The following RBFOX1 variants were observed in gnomAD, a reference collection of about 807,000 sequenced individuals.
RBFOX1 encodes RNA binding protein fox-1 homolog 1.
Under a neutral mutation model 57.7 loss-of-function variants are expected in RBFOX1, and 8 were observed. The ratio of observed to expected loss-of-function variants is 0.14; its 90% CI spans 0.08 to 0.25. The LOEUF is 0.25. Ranked by LOEUF, RBFOX1 falls within the 10% of genes least tolerant of loss-of-function variation. The pLI, the probability that RBFOX1 is intolerant of heterozygous loss-of-function variation, is 1.00. For synonymous variants in RBFOX1, 326 were observed against 222.4 expected, an observed-to-expected ratio of 1.47 and a Z score of -4.15; for missense variants, 611 against 548.5, an observed-to-expected ratio of 1.11 and a Z score of -1.14.
intron 4 of RBFOX1, among the ~76,000 whole-genome samples, chr16:7,371,476 G>A (rs1217442470): frequency 6.6e-6 from 1 of 152,180 alleles, no homozygotes; most frequent in African/African-American, 2.4e-5. Flanking sequence ...ATGGCCAGGT[G>A]CGGTGGCTCA....
chr16:6,364,099 C>A (rs1187578396), intron 2 of RBFOX1, among the ~76,000 whole-genome samples: 2 of 152,148 alleles, frequency 1.3e-5, no homozygotes, highest in Non-Finnish European at 2.9e-5. Flanking sequence ...TTTAGCCTAC[C>A]CCTCTTGGAT....
chr16:5,661,138 A>G (rs1473818114), intron 3 of RBFOX1, among the ~76,000 whole-genome samples: 2 of 152,212 alleles, frequency 1.3e-5, no homozygotes, highest in Non-Finnish European at 2.9e-5. Context: ...GTCTTTCCTC[A>G]CTATATATCT....
intron 4 of RBFOX1, among the ~76,000 whole-genome samples, chr16:7,221,427 C>T (rs942349813): frequency 2.0e-5 from 3 of 151,592 alleles, no homozygotes; most frequent in Admixed American, 2.0e-4. Flanking sequence ...AGTGCAGTGG[C>T]CCAATCTTGG....
chr16:6,296,421 TA>T (rs149095189), intron 1 of RBFOX1, among the ~76,000 whole-genome samples: 1 of 142,610 alleles, frequency 7.0e-6, no homozygotes, highest in Admixed American at 7.1e-5. Flanking sequence ...GGAGGGGATG[TA>T]CTTTTTTTTT....
At position 7,249,478 on chromosome 16, in the gene RBFOX1, C is replaced by G. The variant is rs558183483; in HGVS notation, c.27+197380C>G. Among the ~76,000 whole-genome samples the G allele has an allele frequency of 1.2e-4, 19 of 152,188 alleles. No individual in the cohort carries two copies. In the South Asian group the frequency reaches 3.7e-3, roughly 30 times the overall value. On this transcript the variant is annotated intron_variant, in intron 4 of 15. Coordinates refer to ENST00000550418, the MANE Select transcript of RBFOX1 (RefSeq NM_018723.4). ...CACCAAGGAGAAAGCATTTTTCCAG[C>G]TATCTGAATTCTCTGTCTTTCTCTC...
intron 4 of RBFOX1, among the ~76,000 whole-genome samples, chr16:7,436,555 G>C (rs1398851975): frequency 6.6e-6 from 1 of 152,200 alleles, no homozygotes; most frequent in Admixed American, 6.5e-5. Context: ...GGCATAAGTA[G>C]TCCCATTTTA....
chr16:6,212,877 T>TA (rs921470869), intron 1 of RBFOX1, among the ~76,000 whole-genome samples: 9 of 151,902 alleles, frequency 5.9e-5, no homozygotes, highest in African/African-American at 4.8e-5. Context: ...AGACCAATAG[T>TA]AAAAAAAAGT....
intron 4 of RBFOX1, among the ~76,000 whole-genome samples, chr16:7,146,366 G>A (rs2074978263): frequency 6.6e-6 from 1 of 152,212 alleles, no homozygotes; most frequent in Admixed American, 6.5e-5. Flanking sequence ...TGCAAGGGCA[G>A]AGAAGAAATT....
chr16:7,479,391 A>G lies in RBFOX1; in HGVS notation c.28-38756A>G, dbSNP rs562396825. ...GTGTATCCTCTGGCTTGGCCTCCCA[A>G]AGTGCTGGGATTACAGGTATGAGCC... On this transcript the variant is annotated intron_variant, in intron 4 of 15. Coordinates refer to ENST00000550418, the MANE Select transcript of RBFOX1 (RefSeq NM_018723.4). 5.9e-5 allele frequency among the ~76,000 whole-genome samples: 9 copies of G among 152,128 alleles called. No individual in the cohort carries two copies. In the South Asian group the frequency reaches 1.9e-3, roughly 32 times the overall value.
intron 4 of RBFOX1, among the ~76,000 whole-genome samples, chr16:7,188,149 G>C (rs527366555): frequency 6.6e-6 from 1 of 152,210 alleles, no homozygotes; most frequent in Non-Finnish European, 1.5e-5. Context: ...AGCAAGAGGT[G>C]TATTATCTAA....
intron 2 of RBFOX1, among the ~76,000 whole-genome samples, chr16:6,630,804 G>A (rs139306225): frequency 1.2e-4 from 18 of 152,268 alleles, no homozygotes; most frequent in East Asian, 1.9e-4. Context: ...CGACCTGCTC[G>A]TTACAGGAGT....
intron 4 of RBFOX1, among the ~76,000 whole-genome samples, chr16:7,230,754 T>C (rs577818122): frequency 1.3e-5 from 2 of 152,312 alleles, no homozygotes; most frequent in South Asian, 4.1e-4. Flanking sequence ...AATGCATGAA[T>C]TTACACAACT....
chr16:7,321,165 G>T (rs574799176), intron 4 of RBFOX1, among the ~76,000 whole-genome samples: 8 of 128,410 alleles, frequency 6.2e-5, no homozygotes, highest in Non-Finnish European at 8.9e-5. Context: ...GAGACGGCGA[G>T]ATGGTGTTTT....
chr16:6,581,652 C>T (rs1016825762), intron 2 of RBFOX1, among the ~76,000 whole-genome samples: 6 of 152,168 alleles, frequency 3.9e-5, no homozygotes, highest in African/African-American at 1.4e-4. Flanking sequence ...AACAGGTGAT[C>T]TATTGATCCC....
intron 1 of RBFOX1, among the ~76,000 whole-genome samples, chr16:6,217,580 A>G (rs1413834217): frequency 6.6e-6 from 1 of 152,196 alleles, no homozygotes; most frequent in Admixed American, 6.5e-5. Context: ...CTCCTGTCCC[A>G]GGCCCCTGGG....
intron 4 of RBFOX1, among the ~76,000 whole-genome samples, chr16:7,438,049 G>T (rs1161964171): frequency 6.6e-6 from 1 of 152,134 alleles, no homozygotes; most frequent in South Asian, 2.1e-4. Flanking sequence ...GCGTCTCATT[G>T]TATTTAAAAT....
At chr16:6,523,467 G>C (rs2096536531) in intron 2 of RBFOX1, among the ~76,000 whole-genome samples, 2 of 152,138 alleles carry the variant, frequency 1.3e-5, no homozygotes, top group African/African-American at 4.8e-5. Context: ...GAAGAACTCT[G>C]AAGGCAGCTC....
intron 4 of RBFOX1, among the ~76,000 whole-genome samples, chr16:7,509,656 A>G (rs2074455111): frequency 6.6e-6 from 1 of 152,198 alleles, no homozygotes; most frequent in African/African-American, 2.4e-5. Context: ...ATCGATTTGC[A>G]GTTAACCACA....
chr16:7,519,377 C>G (rs879247704), intron 5 of RBFOX1, among the ~76,000 whole-genome samples: 4 of 152,158 alleles, frequency 2.6e-5, no homozygotes, highest in Admixed American at 2.0e-4. Context: ...AATAAGGGAA[C>G]TGTCCTGTAT....
Sources: gnomAD v4.1 joint callset for allele counts (sites outside exome capture counted in the v4.1 genomes callset) on GRCh38, gnomAD v4.1.1 for gene constraint, MANE v1.5 for transcripts, NCBI Gene and HGNC (gene_info 2026-07-23, HGNC 2026-07-21) for gene names.